The following NR4A3 variants were observed in gnomAD, a reference collection of about 807,000 sequenced individuals.
NR4A3 encodes nuclear receptor subfamily 4 group A member 3.
Under a neutral mutation model 55.6 loss-of-function variants are expected in NR4A3, and 13 were observed. The ratio of observed to expected loss-of-function variants is 0.23; its 90% CI spans 0.15 to 0.37. NR4A3 has a LOEUF of 0.37. NR4A3 is among the 10% of genes least tolerant of loss of function. NR4A3 has a pLI of 1.00. For missense variants in NR4A3, 646 were observed against 822.8 expected (o/e 0.79, Z 2.63); for synonymous variants, 342 against 357.9 (o/e 0.96, Z 0.50).
At chr9:99,833,828 G>A in intron 5 of NR4A3, 1 of 1,288,482 alleles carries the variant, frequency 7.8e-7, no homozygotes, top group Non-Finnish European at 9.9e-7. Context: ...ATCTGGGTGA[G>A]CCTCAAGTTA....
chr9:99,833,585 T>A, intron 5 of NR4A3, 131 bp downstream of exon 5: 1 of 1,604,490 alleles, frequency 6.2e-7, no homozygotes, highest in Non-Finnish European at 8.5e-7. Flanking sequence ...TTTCTATATT[T>A]CTCGCTTCAT....
rs1193629054 is a variant in NR4A3 at position 99,844,672 on chromosome 9, T to G, written c.1278T>G (p.Ala426=). 8 of 1,614,244 alleles carry G rather than the reference T, an allele frequency of 5.0e-6. No individual in the cohort carries two copies. Among genetic ancestry groups the G allele is most frequent in the Non-Finnish European group, 5.9e-6 (7 of 1,180,042 alleles). The change falls in exon 6 of 8, where the codon GCT becomes GCG. Residue 426 remains alanine, a synonymous_variant. Transcript: ENST00000395097. ...YSRYCPTDQA[A]AGTDAEHVQQ... is the part of the protein sequence containing the mutation. ...AGTACTGTCCCACTGACCAGGCTGC[T>G]GCAGGCACAGATGCTGAGCATGTGC...
In NR4A3 at chr9:99,864,084, A is replaced by C; in HGVS notation, c.*217A>C. The C allele has an allele frequency of 2.4e-5, 9 of 376,594 alleles. No homozygotes were observed. Among genetic ancestry groups the C allele is most frequent in the East Asian group, 9.0e-5 (2 of 22,114 alleles). 23.3% of individuals were successfully genotyped at this position (376,594 alleles called of 1,614,324 possible). A position where few individuals can be genotyped will look rare whatever the true frequency, so the allele number is the denominator to read the frequency against. ...TGTGTTGGGGTTGTGTTTTATATTT[A>C]GGCATTGGGGGATGGGGTGGGAGGG... On this transcript the variant is annotated 3_prime_UTR_variant, in exon 8 of 8. Transcript: ENST00000395097.
intron 5 of NR4A3, among the ~76,000 whole-genome samples, chr9:99,837,228 G>A (rs951166570): frequency 1.3e-5 from 2 of 151,984 alleles, no homozygotes; most frequent in Admixed American, 1.3e-4. Flanking sequence ...GCTCTGTGTG[G>A]TATTATTTAT....
rs1828069291 is a variant in NR4A3 at position 99,864,956 on chromosome 9, A to G, written c.*1089A>G. The stretch of plus-strand genomic sequence containing the variant: ...ATTTTTGTTATTGGTTAAGGAGACA[A>G]TTTTGGAGAGCAAGCAAATCTTTTT... On this transcript the variant is annotated 3_prime_UTR_variant, in exon 8 of 8. Coordinates refer to ENST00000395097, the MANE Select transcript of NR4A3 (RefSeq NM_006981.4). 1.2e-5 allele frequency: 2 copies of G among 169,408 alleles called. No individual in the cohort carries two copies. The highest frequency in any genetic ancestry group is 1.5e-4 in the East Asian group (2 of 13,098). 10.5% of individuals were successfully genotyped at this position (169,408 alleles called of 1,614,324 possible).
intron 1 of NR4A3, among the ~76,000 whole-genome samples, chr9:99,824,441 C>T (rs534706072): frequency 6.6e-6 from 1 of 152,338 alleles, no homozygotes; most frequent in African/African-American, 2.4e-5. Context: ...CGTGCTACAG[C>T]CGTGGGAAGA....
Position 99,833,891 on chromosome 9 carries a change from C to G in NR4A3, c.1254+437C>G. ...AGCATTGATTGACCTGCTGCTTATTCAGAGGGATTAGACCATTGGTGGAGA... is the reference window on the plus strand; with the variant it reads ...AGCATTGATTGACCTGCTGCTTATTGAGAGGGATTAGACCATTGGTGGAGA... On this transcript the variant is annotated intron_variant, in intron 5 of 7. Transcript: ENST00000395097. The G allele has an allele frequency of 6.4e-6, 8 of 1,249,618 alleles. No homozygotes were observed. In the South Asian group the frequency reaches 1.4e-4, roughly 21 times the overall value. 77.4% of individuals were successfully genotyped at this position (1,249,618 alleles called of 1,614,324 possible).
intron 5 of NR4A3, among the ~76,000 whole-genome samples, chr9:99,840,681 G>A (rs1827635590): frequency 6.6e-6 from 1 of 152,088 alleles, no homozygotes; most frequent in Non-Finnish European, 1.5e-5. Context: ...TAAATGCCTT[G>A]TCTAGAACTG....
intron 7 of NR4A3, among the ~76,000 whole-genome samples, chr9:99,854,800 C>CT (rs1442269809): frequency 3.3e-4 from 43 of 128,542 alleles, no homozygotes; most frequent in African/African-American, 1.4e-3. Context: ...TTAGGATTGA[C>CT]TTGGCAATGC....
chr9:99,841,539 A>G (rs1213055859), intron 5 of NR4A3, among the ~76,000 whole-genome samples: 2 of 152,220 alleles, frequency 1.3e-5, no homozygotes, highest in African/African-American at 4.8e-5. Flanking sequence ...AACTGCTATC[A>G]ATATCATCAC....
At chr9:99,851,090 C>T (rs1827841825) in intron 7 of NR4A3, among the ~76,000 whole-genome samples, 1 of 152,134 alleles carries the variant, frequency 6.6e-6, no homozygotes, top group South Asian at 2.1e-4. Context: ...TGGGCCTCCC[C>T]GACCAGGTAG....
intron 7 of NR4A3, among the ~76,000 whole-genome samples, chr9:99,849,212 G>C (rs963261737): frequency 6.6e-6 from 1 of 152,202 alleles, no homozygotes; most frequent in African/African-American, 2.4e-5. Flanking sequence ...TAAGAGGCTA[G>C]GCTGGTTCAT....
rs560858833 is a variant in NR4A3, at chr9:99,857,406, G to A, written c.1634-6214G>A. On this transcript the variant is annotated intron_variant, in intron 7 of 7. Transcript: ENST00000395097. ...CCAAATACTTGACATGTATTAACTC[G>A]TTTACTTCTCATAACAACCCATAAG... Among the ~76,000 whole-genome samples, 81 of 152,192 alleles carry A rather than the reference G, an allele frequency of 5.3e-4. 1 individual carries two copies. The highest frequency in any genetic ancestry group is 9.2e-4 in the Admixed American group (14 of 15,268).
intron 7 of NR4A3, among the ~76,000 whole-genome samples, chr9:99,859,981 T>C (rs979954341): frequency 6.6e-6 from 1 of 152,242 alleles, no homozygotes; most frequent in Non-Finnish European, 1.5e-5. Flanking sequence ...GATCATGTTA[T>C]AGCATTCAAG....
intron 5 of NR4A3, 60 bp downstream of exon 5, chr9:99,833,514 A>G: frequency 6.2e-7 from 1 of 1,613,840 alleles, no homozygotes; most frequent in Non-Finnish European, 8.5e-7. Flanking sequence ...TATGGCTACT[A>G]GTAATAAGAG....
intron 6 of NR4A3, among the ~76,000 whole-genome samples, chr9:99,845,616 C>T (rs368218069): frequency 6.6e-5 from 10 of 152,258 alleles, no homozygotes; most frequent in African/African-American, 2.4e-4. Context: ...CATCTTTCCC[C>T]TCTTTCTCTT....
chr9:99,826,678 T>C, intron 2 of NR4A3: 2 of 1,102,504 alleles, frequency 1.8e-6, no homozygotes, highest in South Asian at 1.3e-5. Flanking sequence ...AGGCCCTGCT[T>C]GTTAAAGAAA....
chr9:99,827,278 GTGTGTGTGTGTGTA>G (rs1301300446), intron 2 of NR4A3, among the ~76,000 whole-genome samples: 1 of 135,654 alleles, frequency 7.4e-6, no homozygotes, highest in African/African-American at 2.7e-5. Flanking sequence ...GTGTGTGTGT[GTGTGTGTGTGTGTA>G]TATATATATA....
chr9:99,827,955 T>C, intron 2 of NR4A3, 86 bp from the exon 3 acceptor site: 1 of 1,475,596 alleles, frequency 6.8e-7, no homozygotes, highest in East Asian at 2.3e-5. Flanking sequence ...TTTCCCAGAT[T>C]AGAGAACAGT....
Sources: allele counts gnomAD v4.1 joint callset (sites outside exome capture counted in the v4.1 genomes callset), GRCh38; gene constraint gnomAD v4.1.1; transcripts MANE v1.5; gene names NCBI Gene and HGNC (gene_info 2026-07-23, HGNC 2026-07-21).